The following RPS6KA2 variants were observed in gnomAD, a reference collection of about 807,000 sequenced individuals.
The protein encoded by RPS6KA2 is ribosomal protein S6 kinase A2.
RPS6KA2 carries 42 observed loss-of-function variants against 91.8 expected under a neutral mutation model. The ratio of observed to expected loss-of-function variants is 0.46; its 90% CI spans 0.36 to 0.59. RPS6KA2 has a LOEUF of 0.59. RPS6KA2 is among the 20% of genes least tolerant of loss of function. The pLI, the probability that RPS6KA2 is intolerant of heterozygous loss-of-function variation, is 0.00. For missense variants in RPS6KA2, 798 were observed against 978.5 expected, an observed-to-expected ratio of 0.82 and a Z score of 2.46; for synonymous variants, 414 against 393.6, an observed-to-expected ratio of 1.05 and a Z score of -0.61.
chr6:166,544,594 T>C (rs1783766697), intron 1 of RPS6KA2: 1 of 152,194 alleles, frequency 6.6e-6, no homozygotes, highest in South Asian at 2.1e-4. Context: ...AGGTTGGGCA[T>C]CTTACTATTC....
rs1790342690 is a variant in RPS6KA2, at chr6:166,726,474, T to C, written c.123+131726A>G. Among the ~76,000 whole-genome samples, 1 of 152,092 alleles carries C rather than the reference T, an allele frequency of 6.6e-6. No individual in the cohort carries two copies. Among genetic ancestry groups the C allele is most frequent in the African/African-American group, 2.4e-5 (1 of 41,408 alleles). On this transcript the variant is annotated intron_variant, in intron 2 of 21. Coordinates refer to the RPS6KA2 transcript ENST00000503859. The surrounding 1 kb of genome is among the most constrained non-coding windows in gnomAD (Gnocchi z 4.4). ...TAGCAGAGGCTTCTGTCACCAATGA[T>C]CATTCCCCAAGTCAGAGACATGGAA...
intron 13 of RPS6KA2, among the ~76,000 whole-genome samples, chr6:166,450,005 G>GA (rs1779822441): frequency 4.7e-5 from 7 of 147,542 alleles, no homozygotes; most frequent in Non-Finnish European, 4.5e-5. Flanking sequence ...GAACCACCAT[G>GA]GATGTCACCT....
chr6:166,604,327 C>T (rs964532740), intron 1 of RPS6KA2, among the ~76,000 whole-genome samples: 3 of 151,642 alleles, frequency 2.0e-5, no homozygotes, highest in African/African-American at 4.8e-5. Context: ...TTTTAAAAAA[C>T]GTTTCCCCAA....
chr6:166,816,925 TG>T (rs1779780035), intron 2 of RPS6KA2, among the ~76,000 whole-genome samples: 1 of 151,990 alleles, frequency 6.6e-6, no homozygotes, highest in Non-Finnish European at 1.5e-5. Context: ...GGTTGAAACA[TG>T]GAAAAAATCA....
At chr6:166,532,387 C>G (rs908166103) in intron 2 of RPS6KA2, among the ~76,000 whole-genome samples, 2 of 152,172 alleles carry the variant, frequency 1.3e-5, no homozygotes, top group African/African-American at 4.8e-5. Flanking sequence ...GCTGCTAGGG[C>G]AGCCCAACTG....
At chr6:166,577,109 G>A (rs1043672681) in intron 1 of RPS6KA2, among the ~76,000 whole-genome samples, 2 of 152,236 alleles carry the variant, frequency 1.3e-5, no homozygotes, top group African/African-American at 4.8e-5. Flanking sequence ...GTCAAGAACT[G>A]GGGGTTCTGA....
chr6:166,544,796 A>C (rs1310560972), intron 1 of RPS6KA2: 2 of 152,236 alleles, frequency 1.3e-5, no homozygotes. Flanking sequence ...CAAATGTGAA[A>C]TGAAATGATG....
rs1583099534 is a variant in RPS6KA2 at position 166,770,699 on chromosome 6, G to A, written c.123+87501C>T. On this transcript the variant is annotated intron_variant, in intron 2 of 21. Coordinates refer to the RPS6KA2 transcript ENST00000503859. This position sits in a 1 kb window ranked among gnomAD's most constrained non-coding sequence, Gnocchi z 5.1. ...GATGCCAAAAAATTCACATTTTCCT[G>A]TGGAGTGGTCCAGCCTTCTAAAAGC... Among the ~76,000 whole-genome samples, 1 of 152,130 alleles carries A rather than the reference G, an allele frequency of 6.6e-6. No individual in the cohort carries two copies. Among genetic ancestry groups the A allele is most frequent in the East Asian group, 1.9e-4 (1 of 5,196 alleles).
intron 2 of RPS6KA2, among the ~76,000 whole-genome samples, chr6:166,703,686 A>G (rs1789597650): frequency 6.6e-6 from 1 of 152,226 alleles, no homozygotes; most frequent in African/African-American, 2.4e-5. Flanking sequence ...AAGGAAATAA[A>G]GTGATACATA....
chr6:166,715,793 T>A (rs1288815982), intron 2 of RPS6KA2, among the ~76,000 whole-genome samples: 1 of 152,020 alleles, frequency 6.6e-6, no homozygotes, highest in African/African-American at 2.4e-5. Flanking sequence ...ATCCCAGCAC[T>A]TTGGGAGGCC....
Position 166,687,145 on chromosome 6 carries a change from C to G in RPS6KA2, c.124-148361G>C, listed in dbSNP as rs118066468. Among the ~76,000 whole-genome samples the G allele has an allele frequency of 6.0e-3, 913 of 152,368 alleles. 22 individuals are homozygous for G. The South Asian group carries it at 0.084, about 14-fold the overall frequency. On this transcript the variant is annotated intron_variant, in intron 2 of 21. Transcript: ENST00000503859. ...ATGCCCCAGCAACTGCCTCCACGGT[C>G]TCTGTGGGGAGTAGCAGCATTGTGA...
intron 2 of RPS6KA2, among the ~76,000 whole-genome samples, chr6:166,763,752 C>T (rs1159106845): frequency 1.3e-5 from 2 of 152,176 alleles, no homozygotes; most frequent in Non-Finnish European, 2.9e-5. Flanking sequence ...ACGGCGACGA[C>T]CTTGTTAGTT....
intron 16 of RPS6KA2, among the ~76,000 whole-genome samples, chr6:166,424,589 AC>A (rs1326399291): frequency 4.6e-5 from 7 of 152,124 alleles, no homozygotes; most frequent in Admixed American, 4.6e-4. Flanking sequence ...TGGGAGTCCA[AC>A]CCCACTGGCC....
chr6:166,750,569 A>G (rs902685269), intron 2 of RPS6KA2, among the ~76,000 whole-genome samples: 6 of 152,112 alleles, frequency 3.9e-5, no homozygotes, highest in Admixed American at 1.3e-4. Context: ...ACTCTGTCAC[A>G]ACGGGGGTTT....
intron 1 of RPS6KA2, among the ~76,000 whole-genome samples, chr6:166,546,409 A>G (rs1783829631): frequency 6.6e-6 from 1 of 152,132 alleles, no homozygotes; most frequent in Non-Finnish European, 1.5e-5. Context: ...GGTGACAGTG[A>G]TACCAGGACG....
intron 20 of RPS6KA2, 119 bp from the exon 21 acceptor site, chr6:166,413,006 C>T: frequency 4.5e-6 from 5 of 1,104,700 alleles, no homozygotes; most frequent in Non-Finnish European, 6.2e-6. Context: ...CCAGAGCTTC[C>T]CCAGGGTCCC....
chr6:166,602,179 G>A (rs1562334785), intron 1 of RPS6KA2, among the ~76,000 whole-genome samples: 1 of 151,942 alleles, frequency 6.6e-6, no homozygotes, highest in Admixed American at 6.6e-5. Flanking sequence ...ACACACAGCC[G>A]ATGGGCTGCG....
chr6:166,798,024 G>A (rs571208434), intron 2 of RPS6KA2, among the ~76,000 whole-genome samples: 72 of 152,278 alleles, frequency 4.7e-4, no homozygotes, highest in African/African-American at 2.4e-4. Context: ...CCGAATCATC[G>A]ATGTCACTAC....
At chr6:166,575,289 T>C (rs1257400840) in intron 1 of RPS6KA2, among the ~76,000 whole-genome samples, 2 of 152,356 alleles carry the variant, frequency 1.3e-5, no homozygotes, top group East Asian at 1.9e-4. Context: ...AGGCTATGTG[T>C]GATCCGGGCT....
Sources: gnomAD v4.1 joint callset for allele counts (sites outside exome capture counted in the v4.1 genomes callset) on GRCh38, gnomAD v4.1.1 for gene constraint, Gnocchi (gnomAD v3.1) non-coding constraint, MANE v1.5 for transcripts, NCBI Gene and HGNC (gene_info 2026-07-23, HGNC 2026-07-21) for gene names.